Variants in ASXL2 observed in about 807,000 individuals in gnomAD.
ASXL2 encodes ASXL transcriptional regulator 2.
Under a neutral mutation model 122.0 loss-of-function variants are expected in ASXL2, and 23 were observed. The ratio of observed to expected loss-of-function variants is 0.19; its 90% CI spans 0.14 to 0.27. ASXL2 has a LOEUF of 0.27. ASXL2 is among the 10% of genes least tolerant of loss of function. The pLI is 1.00. For synonymous variants in ASXL2, 650 were observed against 637.0 expected (o/e 1.02, Z -0.31); for missense variants, 1,518 against 1,713.8 (o/e 0.89, Z 2.02).
chr2:25,865,248 T>C (rs1410619152), intron 1 of ASXL2, among the ~76,000 whole-genome samples: 1 of 143,578 alleles, frequency 7.0e-6, no homozygotes, highest in Non-Finnish European at 1.5e-5. Flanking sequence ...CTGGCCAACA[T>C]GGCAAAACCC....
intron 1 of ASXL2, among the ~76,000 whole-genome samples, chr2:25,857,161 A>G (rs908972738): frequency 4.0e-5 from 6 of 151,110 alleles, no homozygotes; most frequent in African/African-American, 4.9e-5. Context: ...AATATGTGGT[A>G]AGCCATGTGG....
intron 1 of ASXL2, among the ~76,000 whole-genome samples, chr2:25,863,010 T>A (rs1019922006): frequency 2.6e-5 from 4 of 152,108 alleles, no homozygotes; most frequent in African/African-American, 4.8e-5. Flanking sequence ...TATTTTTAAA[T>A]ACAACCAAAT....
intron 1 of ASXL2, among the ~76,000 whole-genome samples, chr2:25,857,180 G>A (rs1014407591): frequency 1.3e-5 from 2 of 151,276 alleles, no homozygotes; most frequent in African/African-American, 4.9e-5. Flanking sequence ...GGTGAGCCAT[G>A]TGGTGAGCCA....
Position 25,877,787 on chromosome 2 carries a change from T to C in ASXL2, c.57+379A>G, listed in dbSNP as rs143139026. ...GGATGCACGCACAAGCCTTCTCCTATCTGCATCCAATGGGGGCTCTCCAGC... is the reference window on the plus strand; with the variant it reads ...GGATGCACGCACAAGCCTTCTCCTACCTGCATCCAATGGGGGCTCTCCAGC... On this transcript the variant is annotated intron_variant, in intron 1 of 12. Transcript: ENST00000435504. Among the ~76,000 whole-genome samples, 332 of 152,266 alleles carry C rather than the reference T, an allele frequency of 2.2e-3. 8 individuals carry two copies. The highest frequency in any genetic ancestry group is 0.015 in the Admixed American group (236 of 15,296).
intron 3 of ASXL2, among the ~76,000 whole-genome samples, chr2:25,831,126 C>G (rs1167524543): frequency 6.6e-6 from 1 of 151,926 alleles, no homozygotes; most frequent in African/African-American, 2.4e-5. Context: ...TCGAGACCAG[C>G]CTGGCCAATG....
At chr2:25,802,691 G>A (rs2089018411) in intron 4 of ASXL2, among the ~76,000 whole-genome samples, 2 of 152,142 alleles carry the variant, frequency 1.3e-5, no homozygotes, top group African/African-American at 4.8e-5. Context: ...TGTGACTAGA[G>A]GGTTGGAACT....
intron 5 of ASXL2, among the ~76,000 whole-genome samples, chr2:25,785,004 G>C (rs562762567): frequency 7.9e-5 from 12 of 152,296 alleles, no homozygotes; most frequent in African/African-American, 2.4e-4. Context: ...AGCTATTATA[G>C]TGCTGCCCAG....
At chr2:25,749,629 A>G (rs1574394711) in intron 12 of ASXL2, 67 bp downstream of exon 12, 1 of 1,262,754 alleles carries the variant, frequency 7.9e-7, no homozygotes, top group Middle Eastern at 2.2e-4. Flanking sequence ...CTTGAAATTT[A>G]GTAGGTATGA....
chr2:25,777,696 A>G (rs1247977379), intron 5 of ASXL2, among the ~76,000 whole-genome samples: 1 of 152,116 alleles, frequency 6.6e-6, no homozygotes, highest in Non-Finnish European at 1.5e-5. Flanking sequence ...ATATAATTTT[A>G]TTATTAATAA....
At chr2:25,861,500 G>A (rs1044584561) in intron 1 of ASXL2, among the ~76,000 whole-genome samples, 3 of 152,186 alleles carry the variant, frequency 2.0e-5, no homozygotes, top group Non-Finnish European at 2.9e-5. Flanking sequence ...AAAGCCTCAG[G>A]CCCAGATGGG....
chr2:25,875,424 T>C (rs1206026199), intron 1 of ASXL2, among the ~76,000 whole-genome samples: 2 of 152,082 alleles, frequency 1.3e-5, no homozygotes, highest in African/African-American at 4.8e-5. Context: ...ACCACGATCA[T>C]ACCTGTGAAG....
At chr2:25,851,158 AAAAAG>A (rs565634146) in intron 1 of ASXL2, among the ~76,000 whole-genome samples, 2,935 of 151,844 alleles carry the variant, frequency 0.019, 43 homozygotes, top group Non-Finnish European at 0.03. Flanking sequence ...AAAAAAAAAA[AAAAAG>A]AAAGAAAGAA....
chr2:25,752,024 AG>A (rs1485614038), intron 11 of ASXL2, among the ~76,000 whole-genome samples: 1 of 152,088 alleles, frequency 6.6e-6, no homozygotes, highest in Non-Finnish European at 1.5e-5. Flanking sequence ...CGCCCACCTC[AG>A]CCTCCCAAAG....
intron 1 of ASXL2, among the ~76,000 whole-genome samples, chr2:25,871,119 T>TG (rs2149204101): frequency 6.6e-6 from 1 of 152,318 alleles, no homozygotes; most frequent in East Asian, 1.9e-4. Context: ...CAAATCACAC[T>TG]GTACTAAAAA....
At chr2:25,792,751 G>A (rs1206675529) in intron 5 of ASXL2, among the ~76,000 whole-genome samples, 1 of 151,594 alleles carries the variant, frequency 6.6e-6, no homozygotes, top group African/African-American at 2.4e-5. Flanking sequence ...GATTACAGGT[G>A]TGCGCCACCA....
At position 25,750,175 on chromosome 2, in the gene ASXL2, A is replaced by C; in HGVS notation, c.1381T>G (p.Ser461Ala). 2 of 1,613,914 alleles carry C rather than the reference A, an allele frequency of 1.2e-6. No individual in the cohort carries two copies. The highest frequency in any genetic ancestry group is 1.6e-4 in the Middle Eastern group (1 of 6,062). Residue 461 changes from serine (S) to alanine (A), a missense_variant, in exon 12 of 13, where the codon TCA becomes GCA. By Grantham distance (99) the Ser-to-Ala change is moderately conservative. This residue lies in a region of ASXL2 where 292 missense variants were observed against 293.5 expected (regional missense o/e 1.00). Coordinates refer to ENST00000435504, the MANE Select transcript of ASXL2 (RefSeq NM_018263.6). ...AGAGCTGAGGAAAGCAGGGGCTCTG[A>C]AGATGTGGAGAAGTTCGGCTGCACT... is the stretch of plus-strand genomic sequence containing the variant. ...GEVQPNFSTSSEPLLSSALNT... is the reference protein window; with the variant it reads ...GEVQPNFSTSAEPLLSSALNT...
intron 4 of ASXL2, among the ~76,000 whole-genome samples, chr2:25,801,041 C>G (rs1163068492): frequency 1.3e-5 from 2 of 152,168 alleles, no homozygotes; most frequent in East Asian, 3.8e-4. Context: ...ATCTTCCCAC[C>G]TCAGCCTCTG....
intron 10 of ASXL2, 29 bp downstream of exon 10, chr2:25,755,989 C>G: frequency 3.2e-6 from 5 of 1,575,318 alleles, no homozygotes; most frequent in Non-Finnish European, 4.4e-6. Context: ...CACACACCAC[C>G]TGGGAGACAC....
At chr2:25,834,726 G>A (rs1031783322) in intron 3 of ASXL2, among the ~76,000 whole-genome samples, 2 of 152,126 alleles carry the variant, frequency 1.3e-5, no homozygotes, top group African/African-American at 2.4e-5. Context: ...GAATCTAAAA[G>A]GCCATGCCCA....
Sources: gnomAD v4.1 joint callset for allele counts (sites outside exome capture counted in the v4.1 genomes callset) on GRCh38, gnomAD v4.1.1 for gene constraint, gnomAD v4.1.1 regional missense constraint, MANE v1.5 for transcripts, NCBI Gene and HGNC (gene_info 2026-07-23, HGNC 2026-07-21) for gene names.